The following TTBK1 variants were observed in gnomAD, a reference collection of about 807,000 sequenced individuals.
TTBK1 encodes tau-tubulin kinase 1.
Under a neutral mutation model 108.5 loss-of-function variants are expected in TTBK1, and 34 were observed. That is an observed-to-expected ratio of 0.31 (90% CI 0.24 to 0.42). The LOEUF (loss-of-function observed/expected upper bound fraction) is 0.42. Among genes scored for constraint, TTBK1 ranks in the 10% least tolerant of loss-of-function variants. TTBK1 has a pLI of 1.00. For missense variants in TTBK1, 1,539 were observed against 1,826.0 expected (o/e 0.84, Z 2.86); for synonymous variants, 809 against 795.1 (o/e 1.02, Z -0.29).
Position 43,279,882 on chromosome 6 carries a change from G to T in TTBK1, c.1987-2845G>T, listed in dbSNP as rs896191725. 1.5e-4 allele frequency among the ~76,000 whole-genome samples: 23 copies of T among 151,914 alleles called. 1 individual carries two copies. The East Asian group carries it at 4.3e-3, about 28-fold the overall frequency. On this transcript the variant is annotated intron_variant, in intron 13 of 14. Coordinates refer to ENST00000259750, the MANE Select transcript of TTBK1 (RefSeq NM_032538.3). ...ATCTCCTCAGCCTCTCGAGTAGCTGGGACCACAGGCGTGCACAACCACGCC... is the reference window on the plus strand; with the variant it reads ...ATCTCCTCAGCCTCTCGAGTAGCTGTGACCACAGGCGTGCACAACCACGCC...
Position 43,257,873 on chromosome 6 carries a change from TTGAC to T in TTBK1, c.926_929del (p.Asp309GlyfsTer34). ...AGGGGCATTGCCGAGAATGAGGCCTTTGACTGGGAGAAGGCAGGCACCGATGCCC... is the reference window on the plus strand; with the variant it reads ...AGGGGCATTGCCGAGAATGAGGCCTTTGGGAGAAGGCAGGCACCGATGCCC... On this transcript the variant is annotated frameshift_variant, in exon 10 of 15. Transcript: ENST00000259750. LOFTEE classifies it high-confidence loss of function. The surrounding 1 kb of genome is among the most constrained non-coding windows in gnomAD (Gnocchi z 4.5). 1 of 1,613,986 alleles carries T rather than the reference TTGAC, an allele frequency of 6.2e-7. No individual in the cohort carries two copies. The highest frequency in any genetic ancestry group is 8.5e-7 in the Non-Finnish European group (1 of 1,180,000).
Position 43,285,152 on chromosome 6 carries a change from T to TC in TTBK1, c.3748dup (p.Arg1250ProfsTer35). On this transcript the variant is annotated frameshift_variant, in exon 15 of 15. Transcript: ENST00000259750. LOFTEE classifies it high-confidence loss of function. The surrounding 1 kb of genome is among the most constrained non-coding windows in gnomAD (Gnocchi z 4.7). ...ATCCGCCGCGCGCAATGCCAGCGCGTCCCCCCGGAGCCAGTCCCTGTCCCG... is the reference window on the plus strand; with the variant it reads ...ATCCGCCGCGCGCAATGCCAGCGCGTCCCCCCCGGAGCCAGTCCCTGTCCCG... 4 of 1,424,964 alleles carry TC rather than the reference T, an allele frequency of 2.8e-6. No homozygotes were observed. The highest frequency in any genetic ancestry group is 2.7e-6 in the Non-Finnish European group (3 of 1,097,520). The allele number at this position is 1,424,964 out of a possible 1,614,324, so 88.3% of individuals were successfully genotyped here.
chr6:43,276,590 T>C lies in TTBK1; in HGVS notation c.1987-6137T>C, dbSNP rs1388406644. On this transcript the variant is annotated intron_variant, in intron 13 of 14. Coordinates refer to ENST00000259750, the MANE Select transcript of TTBK1 (RefSeq NM_032538.3). This position sits in a 1 kb window ranked among gnomAD's most constrained non-coding sequence, Gnocchi z 5.4. Reference sequence around the variant, plus strand: ...GCGAGGGATTTTGTGCCTTTTTAAGTCCCTGTATGTTAATGCAGACAATCC... The same window carrying C: ...GCGAGGGATTTTGTGCCTTTTTAAGCCCCTGTATGTTAATGCAGACAATCC... 6.6e-6 allele frequency among the ~76,000 whole-genome samples: 1 copy of C among 152,208 alleles called. No individual in the cohort carries two copies. Among genetic ancestry groups the C allele is most frequent in the Non-Finnish European group, 1.5e-5 (1 of 68,022 alleles).
chr6:43,284,914 T>C, intron 14 of TTBK1, 69 bp from the exon 15 acceptor site: 1 of 1,454,972 alleles, frequency 6.9e-7, no homozygotes, highest in Non-Finnish European at 9.0e-7. Flanking sequence ...CCCAGGAGGA[T>C]TCTGAAATAT....
intron 1 of TTBK1, among the ~76,000 whole-genome samples, chr6:43,244,765 C>T (rs1777044327): frequency 6.6e-6 from 1 of 152,144 alleles, no homozygotes; most frequent in African/African-American, 2.4e-5. Flanking sequence ...GACTGGAAAG[C>T]CCACCAGAGT....
chr6:43,262,393 C>T (rs115583411), intron 12 of TTBK1, among the ~76,000 whole-genome samples: 2,969 of 152,252 alleles, frequency 0.02, 96 homozygotes, highest in African/African-American at 0.068. Flanking sequence ...CAGCAGGAAG[C>T]AGCCACTGGC....
chr6:43,272,506 G>T (rs1284058882), intron 13 of TTBK1: 4 of 985,336 alleles, frequency 4.1e-6, no homozygotes, highest in Non-Finnish European at 4.8e-6. Flanking sequence ...GTGGGAGAGG[G>T]TGTGTCCTTT....
In TTBK1 at chr6:43,259,771, G is replaced by T; in HGVS notation, c.1424+65G>T. On this transcript the variant is annotated intron_variant, in intron 12 of 14. Coordinates refer to ENST00000259750, the MANE Select transcript of TTBK1 (RefSeq NM_032538.3). This position sits in a 1 kb window ranked among gnomAD's most constrained non-coding sequence, Gnocchi z 6.7. ...CTCTCCGCCTTCACGTGGCTGGTCTGGAGGAAAAGTTAGATGTGTGGCGGA... is the reference window on the plus strand; with the variant it reads ...CTCTCCGCCTTCACGTGGCTGGTCTTGAGGAAAAGTTAGATGTGTGGCGGA... 6.9e-7 allele frequency: 1 copy of T among 1,441,236 alleles called. No homozygotes were observed. Among genetic ancestry groups the T allele is most frequent in the Non-Finnish European group, 9.2e-7 (1 of 1,085,438 alleles). 89.3% of individuals were successfully genotyped at this position (1,441,236 alleles called of 1,614,324 possible).
At position 43,246,507 on chromosome 6, in the gene TTBK1, C is replaced by T. The variant is rs1777089509; in HGVS notation, c.-54-100C>T. ...TCCTGGAGCATCTGTCCAGTGGGGC[C>T]AGGAAGAATGCAGAGCAGGAGTGGA... On this transcript the variant is annotated intron_variant, in intron 1 of 14. Coordinates refer to ENST00000259750, the MANE Select transcript of TTBK1 (RefSeq NM_032538.3). The T allele has an allele frequency of 1.4e-5, 8 of 570,548 alleles. No homozygotes were observed. The East Asian group carries it at 2.4e-4, about 17-fold the overall frequency. The allele number at this position is 570,548 out of a possible 1,614,324, so 35.3% of individuals were successfully genotyped here.
chr6:43,286,820 A>C lies in TTBK1; in HGVS notation c.*1444A>C, dbSNP rs1778394584. 6.6e-6 allele frequency: 1 copy of C among 152,400 alleles called. No individual in the cohort carries two copies. The highest frequency in any genetic ancestry group is 1.5e-5 in the Non-Finnish European group (1 of 68,212). 9.4% of individuals were successfully genotyped at this position (152,400 alleles called of 1,614,324 possible). On this transcript the variant is annotated 3_prime_UTR_variant, in exon 15 of 15. Transcript: ENST00000259750. This position sits in a 1 kb window ranked among gnomAD's most constrained non-coding sequence, Gnocchi z 4.6. ...AAGCAGCACACCGGCTGCAGATGGG[A>C]CAGCCAGCCCTGCCTATCTGGACAG...
At position 43,283,300 on chromosome 6, in the gene TTBK1, G is replaced by A. The variant is rs745454798; in HGVS notation, c.2560G>A (p.Ala854Thr). 4.4e-6 allele frequency: 7 copies of A among 1,574,090 alleles called. No individual in the cohort carries two copies. The East Asian group carries it at 1.7e-4, about 37-fold the overall frequency. The change falls in exon 14 of 15, where the codon GCC (alanine) becomes ACC (threonine). Residue 854 changes from alanine to threonine, a missense_variant. By Grantham distance (58) the Ala-to-Thr change is moderately conservative. This residue lies in a region of TTBK1 where 1,055 missense variants were observed against 1,086.5 expected (regional missense o/e 0.97). Transcript: ENST00000259750. The surrounding 1 kb of genome is among the most constrained non-coding windows in gnomAD (Gnocchi z 8.1). The part of the protein sequence containing the change: ...MKKSPVTAEL[A>T]PDPDLGTLAA... ...GAAGTCGCCCGTCACTGCCGAACTG[G>A]CCCCCGACCCCGACCTGGGCACCCT...
rs766275844 is a variant in TTBK1 at position 43,283,694 on chromosome 6, T to C, written c.2954T>C (p.Leu985Pro). Residue 985 changes from leucine to proline, a missense_variant, in exon 14 of 15, where the codon CTG becomes CCG. By Grantham distance (98) the Leu-to-Pro change is moderately conservative (BLOSUM62 -3). Coordinates refer to ENST00000259750, the MANE Select transcript of TTBK1 (RefSeq NM_032538.3). This position sits in a 1 kb window ranked among gnomAD's most constrained non-coding sequence, Gnocchi z 8.1. ...GCGCCCCTGGAGAACGGCCTCGCCCTGTCAGGGCTGAATGGGGCTGAGATA... is the reference window on the plus strand; with the variant it reads ...GCGCCCCTGGAGAACGGCCTCGCCCCGTCAGGGCTGAATGGGGCTGAGATA... ...ARAPLENGLA[L>P]SGLNGAEIEG... The C allele has an allele frequency of 3.7e-6, 6 of 1,613,920 alleles. No homozygotes were observed. In the East Asian group the frequency reaches 8.9e-5, roughly 24 times the overall value.
At position 43,282,055 on chromosome 6, in the gene TTBK1, G is replaced by A. The variant is rs778485746; in HGVS notation, c.1987-672G>A. ...ATGGAGCTCAAGTATACCTGTCGAG[G>A]GCTGGACAAATTCCTGGCTGAGAGG... On this transcript the variant is annotated intron_variant, in intron 13 of 14. Transcript: ENST00000259750. This position sits in a 1 kb window ranked among gnomAD's most constrained non-coding sequence, Gnocchi z 5.4. 1.4e-4 allele frequency among the ~76,000 whole-genome samples: 22 copies of A among 152,230 alleles called. No homozygotes were observed. Among genetic ancestry groups the A allele is most frequent in the Non-Finnish European group, 2.6e-4 (18 of 68,036 alleles).
chr6:43,246,392 A>G (rs1777086640), intron 1 of TTBK1, among the ~76,000 whole-genome samples: 1 of 152,076 alleles, frequency 6.6e-6, no homozygotes, highest in Non-Finnish European at 1.5e-5. Flanking sequence ...ATTGGTCAAC[A>G]TGTGTGTCCT....
Position 43,259,993 on chromosome 6 carries a change from G to A in TTBK1, c.1424+287G>A, listed in dbSNP as rs369550728. ...CCTGGGCCCAGGAAGGGTGAGGGGC[G>A]AGTTGGTTGGTGGGTGTGTGTGCTT... is the stretch of plus-strand genomic sequence containing the variant. On this transcript the variant is annotated intron_variant, in intron 12 of 14. Coordinates refer to ENST00000259750, the MANE Select transcript of TTBK1 (RefSeq NM_032538.3). The surrounding 1 kb of genome is among the most constrained non-coding windows in gnomAD (Gnocchi z 6.7). Among the ~76,000 whole-genome samples the A allele has an allele frequency of 1.3e-5, 2 of 152,206 alleles. No homozygotes were observed. The highest frequency in any genetic ancestry group is 2.1e-4 in the South Asian group (1 of 4,826).
At chr6:43,244,548 T>C (rs1232516147) in intron 1 of TTBK1, among the ~76,000 whole-genome samples, 1 of 152,166 alleles carries the variant, frequency 6.6e-6, no homozygotes, top group African/African-American at 2.4e-5. Flanking sequence ...GTCCCATGTT[T>C]GTATCATCCA....
At chr6:43,271,125 C>T (rs1182606618) in intron 13 of TTBK1, 1 of 985,382 alleles carries the variant, frequency 1.0e-6, no homozygotes, top group African/African-American at 1.7e-5. Flanking sequence ...GCCAGCACCT[C>T]TGTTCCCCTG....
chr6:43,285,678 C>T lies in TTBK1; in HGVS notation c.*302C>T, dbSNP rs900627333. 1 of 247,092 alleles carries T rather than the reference C, an allele frequency of 4.0e-6. No homozygotes were observed. The highest frequency in any genetic ancestry group is 7.7e-6 in the Non-Finnish European group (1 of 130,398). 15.3% of individuals were successfully genotyped at this position (247,092 alleles called of 1,614,324 possible). On this transcript the variant is annotated 3_prime_UTR_variant, in exon 15 of 15. Transcript: ENST00000259750. This position sits in a 1 kb window ranked among gnomAD's most constrained non-coding sequence, Gnocchi z 4.7. ...CAGCCTCACATCAGTCTCTCCGCCC[C>T]GGGGAAGGCTCAGCCACTTTTCATC...
chr6:43,284,745 C>G (rs1778312134), intron 14 of TTBK1, among the ~76,000 whole-genome samples: 1 of 152,062 alleles, frequency 6.6e-6, no homozygotes, highest in South Asian at 2.1e-4. Flanking sequence ...GAAATGAGGA[C>G]CCCAAAGAAA....
Sources: allele counts gnomAD v4.1 joint callset (sites outside exome capture counted in the v4.1 genomes callset), GRCh38; gene constraint gnomAD v4.1.1; regional missense constraint gnomAD v4.1.1; non-coding constraint Gnocchi (gnomAD v3.1); transcripts MANE v1.5; gene names NCBI Gene and HGNC (gene_info 2026-07-23, HGNC 2026-07-21).